The following NCAM2 variants were observed in gnomAD, a reference collection of about 807,000 sequenced individuals.
NCAM2 encodes the protein neural cell adhesion molecule 2.
In NCAM2, 30 loss-of-function variants were observed where a neutral mutation model predicts 98.1. That is an observed-to-expected ratio of 0.31 (90% CI 0.23 to 0.41). The LOEUF (loss-of-function observed/expected upper bound fraction) is 0.41, where lower values mean the gene tolerates loss of function less well. Among genes scored for constraint, NCAM2 ranks in the 10% least tolerant of loss-of-function variants. NCAM2 has a pLI of 1.00. For missense variants in NCAM2, 867 were observed against 1,005.8 expected, an observed-to-expected ratio of 0.86 and a Z score of 1.87; for synonymous variants, 368 against 342.4, an observed-to-expected ratio of 1.07 and a Z score of -0.83.
intron 1 of NCAM2, among the ~76,000 whole-genome samples, chr21:21,245,995 C>A (rs931186087): frequency 1.2e-4 from 18 of 152,316 alleles, no homozygotes; most frequent in African/African-American, 4.1e-4. Flanking sequence ...CTAATTTCCT[C>A]CACTTTGGTG....
At chr21:21,312,307 A>T (rs1011800980) in intron 5 of NCAM2, among the ~76,000 whole-genome samples, 10 of 151,628 alleles carry the variant, frequency 6.6e-5, no homozygotes, top group Admixed American at 2.6e-4. Flanking sequence ...TTAATTGAGT[A>T]TTGATTAATA....
intron 15 of NCAM2, among the ~76,000 whole-genome samples, chr21:21,495,966 A>G (rs577475379): frequency 6.7e-6 from 1 of 149,560 alleles, no homozygotes; most frequent in Non-Finnish European, 1.5e-5. Context: ...ACTCTTCCCA[A>G]TACATTACCC....
At chr21:21,524,636 C>T (rs75464364) in intron 16 of NCAM2, among the ~76,000 whole-genome samples, 2,547 of 152,000 alleles carry the variant, frequency 0.017, 85 homozygotes, top group African/African-American at 0.057. Flanking sequence ...TCAGTAAGGA[C>T]GTTGCTTAAC....
chr21:21,512,761 C>T (rs897194230), intron 16 of NCAM2, among the ~76,000 whole-genome samples: 3 of 151,938 alleles, frequency 2.0e-5, no homozygotes, highest in Non-Finnish European at 4.4e-5. Flanking sequence ...TTGAAGTTTT[C>T]ATCAATGTTT....
rs1383384397 is a variant in NCAM2 at position 21,286,321 on chromosome 21, A to G, written c.390A>G (p.Glu130=). 3 of 1,612,272 alleles carry G rather than the reference A, an allele frequency of 1.9e-6. No individual in the cohort carries two copies. In the Admixed American group the frequency reaches 5.0e-5, roughly 27 times the overall value. ...VVSPQEFKQG[E]DAEVVCRVSS... ...CTCCACAAGAATTCAAACAAGGAGA[A>G]GATGCAGAAGTGGTTTGCCGAGTTA... The change falls in exon 4 of 18, where the codon GAA becomes GAG. Residue 130 remains glutamate (E), a synonymous_variant. Transcript: ENST00000400546.
intron 1 of NCAM2, among the ~76,000 whole-genome samples, chr21:21,161,648 A>G (rs1002548178): frequency 1.5e-4 from 23 of 151,924 alleles, no homozygotes; most frequent in Admixed American, 2.0e-4. Flanking sequence ...ATTTAAAAAT[A>G]TTTATGCAAT....
At chr21:21,473,434 T>C (rs1466258058) in intron 14 of NCAM2, among the ~76,000 whole-genome samples, 2 of 148,192 alleles carry the variant, frequency 1.3e-5, no homozygotes, top group Non-Finnish European at 3.0e-5. Context: ...TCTCTGACAT[T>C]GAGAGTAGCA....
At chr21:21,432,028 G>T in intron 11 of NCAM2, 80 bp from the exon 12 acceptor site, 1 of 1,344,132 alleles carries the variant, frequency 7.4e-7, no homozygotes, top group Non-Finnish European at 1.0e-6. Context: ...TTCACTCCTA[G>T]TTCTCATAAC....
chr21:21,119,935 C>CA (rs1051832439), intron 1 of NCAM2, among the ~76,000 whole-genome samples: 6 of 152,116 alleles, frequency 3.9e-5, no homozygotes, highest in African/African-American at 1.2e-4. Flanking sequence ...ACTTTGTTTT[C>CA]AGTTTTTGTA....
At chr21:21,239,333 A>T (rs2070972117) in intron 1 of NCAM2, 1 of 152,220 alleles carries the variant, frequency 6.6e-6, no homozygotes, top group Admixed American at 6.5e-5. Flanking sequence ...TCTAGAGCAG[A>T]ACATTTTAAA....
At chr21:21,355,238 A>C (rs2075438833) in intron 8 of NCAM2, among the ~76,000 whole-genome samples, 1 of 151,970 alleles carries the variant, frequency 6.6e-6, no homozygotes, top group Non-Finnish European at 1.5e-5. Flanking sequence ...GTTCAAGCCC[A>C]GCCTGGCCAA....
chr21:21,360,926 T>C (rs1256270142), intron 8 of NCAM2, among the ~76,000 whole-genome samples: 1 of 152,074 alleles, frequency 6.6e-6, no homozygotes, highest in East Asian at 1.9e-4. Flanking sequence ...AACTACTTCA[T>C]AAATTTTTAT....
At chr21:21,200,788 C>T (rs1219278885) in intron 1 of NCAM2, among the ~76,000 whole-genome samples, 2 of 142,902 alleles carry the variant, frequency 1.4e-5, no homozygotes, top group Admixed American at 1.5e-4. Context: ...TCAACCCTCC[C>T]AAAAGCATTT....
At chr21:21,310,224 A>C (rs2074002899) in intron 5 of NCAM2, among the ~76,000 whole-genome samples, 1 of 152,168 alleles carries the variant, frequency 6.6e-6, no homozygotes, top group Non-Finnish European at 1.5e-5. Context: ...TAATTACTTT[A>C]ATTCTCCCTC....
chr21:21,168,162 A>G (rs1203295203), intron 1 of NCAM2, among the ~76,000 whole-genome samples: 1 of 152,122 alleles, frequency 6.6e-6, no homozygotes, highest in Non-Finnish European at 1.5e-5. Context: ...TTTGAAAATC[A>G]ATGATTACAT....
At chr21:21,010,922 A>G (rs549997785) in intron 1 of NCAM2, among the ~76,000 whole-genome samples, 1 of 152,246 alleles carries the variant, frequency 6.6e-6, no homozygotes, top group South Asian at 2.1e-4. Context: ...GTTTTGTTTC[A>G]GGGAGGATAA....
intron 1 of NCAM2, among the ~76,000 whole-genome samples, chr21:21,073,674 AC>A (rs1277898398): frequency 1.3e-5 from 2 of 152,300 alleles, no homozygotes; most frequent in Middle Eastern, 3.4e-3. Flanking sequence ...CATACCTCAG[AC>A]CGAGTAATTA....
chr21:21,243,866 C>G (rs2071164597), intron 1 of NCAM2, among the ~76,000 whole-genome samples: 1 of 152,148 alleles, frequency 6.6e-6, no homozygotes, highest in African/African-American at 2.4e-5. Context: ...TAGAGTTGAT[C>G]TTTAACATAA....
At chr21:21,492,804 A>G (rs1602493372) in intron 15 of NCAM2, among the ~76,000 whole-genome samples, 2 of 151,940 alleles carry the variant, frequency 1.3e-5, no homozygotes, top group Non-Finnish European at 2.9e-5. Context: ...AATGTTAAAA[A>G]CAAGTATTCA....
Sources: gnomAD v4.1 joint callset for allele counts (sites outside exome capture counted in the v4.1 genomes callset) on GRCh38, gnomAD v4.1.1 for gene constraint, MANE v1.5 for transcripts, NCBI Gene and HGNC (gene_info 2026-07-23, HGNC 2026-07-21) for gene names.